DAPK2: variants seen among roughly 807,000 people sequenced by gnomAD.
DAPK2 encodes death associated protein kinase 2.
In DAPK2, 35 loss-of-function variants were observed where a neutral mutation model predicts 44.1. The ratio of observed to expected loss-of-function variants is 0.79; its 90% confidence interval spans 0.61 to 1.05. The LOEUF is 1.05. Ranked by LOEUF, DAPK2 falls within the 50% of genes least tolerant of loss-of-function variation. The pLI is 0.00. For synonymous variants in DAPK2, 174 were observed against 182.6 expected, an observed-to-expected ratio of 0.95 and a Z score of 0.38; for missense variants, 453 against 483.2, an observed-to-expected ratio of 0.94 and a Z score of 0.59.
At chr15:64,023,436 G>A (rs1269466527) in intron 1 of DAPK2, among the ~76,000 whole-genome samples, 1 of 152,230 alleles carries the variant, frequency 6.6e-6, no homozygotes, top group East Asian at 1.9e-4. Context: ...GGTGGGGGAA[G>A]GGCAGATCCC....
rs1470241980 is a variant in DAPK2 at position 63,990,681 on chromosome 15, C to T, written c.93-6927G>A. 2.0e-5 allele frequency among the ~76,000 whole-genome samples: 3 copies of T among 152,152 alleles called. No individual in the cohort carries two copies. The highest frequency in any genetic ancestry group is 2.4e-5 in the African/African-American group (1 of 41,420). ...TGGCTTCCTCCTCCTGCTTCCCCACCGCAGACACCGCAGTTCCTCTTTCCA... is the reference window on the plus strand; with the variant it reads ...TGGCTTCCTCCTCCTGCTTCCCCACTGCAGACACCGCAGTTCCTCTTTCCA... On this transcript the variant is annotated intron_variant, in intron 1 of 10. Coordinates refer to ENST00000261891, the Ensembl canonical transcript of DAPK2. The surrounding 1 kb of genome is among the most constrained non-coding windows in gnomAD (Gnocchi z 4.3).
rs190795110 is a variant in DAPK2, at chr15:63,917,103, C to G, written c.859-4906G>C. 4.6e-5 allele frequency: 7 copies of G among 152,412 alleles called. No individual in the cohort carries two copies. Among genetic ancestry groups the G allele is most frequent in the African/African-American group, 1.7e-4 (7 of 41,582 alleles). 9.4% of individuals were successfully genotyped at this position (152,412 alleles called of 1,614,324 possible). A position where few individuals can be genotyped will look rare whatever the true frequency, so the allele number is the denominator to read the frequency against. ...CCTGGCTGGGTGCGGTGGCTCATGC[C>G]TGTAATCTCAGCACTTCGGGAGGCC... On this transcript the variant is annotated intron_variant, in intron 8 of 10. Coordinates refer to ENST00000261891, the Ensembl canonical transcript of DAPK2. The surrounding 1 kb of genome is among the most constrained non-coding windows in gnomAD (Gnocchi z 4.4).
intron 1 of DAPK2, chr15:63,991,246 G>T: frequency 2.2e-6 from 1 of 456,354 alleles, no homozygotes; most frequent in Non-Finnish European, 4.4e-6. Flanking sequence ...GGTGGGCAGT[G>T]CGCTGGGAAC....
chr15:63,977,469 C>T (rs1372716312), intron 2 of DAPK2, among the ~76,000 whole-genome samples: 2 of 152,158 alleles, frequency 1.3e-5, no homozygotes, highest in African/African-American at 4.8e-5. Flanking sequence ...TGGGGTGGGA[C>T]ATGTGAGAGT....
At chr15:63,938,357 A>G (rs1595756905) in intron 4 of DAPK2, among the ~76,000 whole-genome samples, 1 of 152,238 alleles carries the variant, frequency 6.6e-6, no homozygotes, top group African/African-American at 2.4e-5. Flanking sequence ...TTTGTAGAGC[A>G]TGAGACATAG....
intron 1 of DAPK2, among the ~76,000 whole-genome samples, chr15:64,029,281 T>C (rs1252482906): frequency 1.3e-5 from 2 of 152,188 alleles, no homozygotes; most frequent in Non-Finnish European, 2.9e-5. Context: ...CTTTGTGCTT[T>C]GTTTTCCTAA....
At chr15:63,989,369 T>C (rs1351710477) in intron 1 of DAPK2, among the ~76,000 whole-genome samples, 1 of 151,948 alleles carries the variant, frequency 6.6e-6, no homozygotes, top group Admixed American at 6.6e-5. Flanking sequence ...AGACTCCGTC[T>C]CTAAAAAAAA....
chr15:63,971,394 G>A (rs764406265), intron 3 of DAPK2, 29 bp downstream of exon 4: 1 of 1,612,952 alleles, frequency 6.2e-7, no homozygotes. Flanking sequence ...TCCTAAACTT[G>A]ATTCTTTTCC....
chr15:63,962,529 G>A (rs1162793285), intron 3 of DAPK2, among the ~76,000 whole-genome samples: 3 of 152,134 alleles, frequency 2.0e-5, no homozygotes, highest in Non-Finnish European at 4.4e-5. Flanking sequence ...ATGGGGTTTT[G>A]GTGTGGATGT....
chr15:63,944,032 T>A (rs1158173201), intron 3 of DAPK2, among the ~76,000 whole-genome samples: 1 of 152,152 alleles, frequency 6.6e-6, no homozygotes, highest in Non-Finnish European at 1.5e-5. Context: ...CTGGTGATGC[T>A]TCCATGCAAG....
At chr15:64,017,252 G>C (rs1156563404) in intron 1 of DAPK2, among the ~76,000 whole-genome samples, 1 of 152,184 alleles carries the variant, frequency 6.6e-6, no homozygotes, top group Non-Finnish European at 1.5e-5. Flanking sequence ...TGTTGAGTGA[G>C]TCACCTAACC....
chr15:63,962,892 G>A (rs1184239555), intron 3 of DAPK2, among the ~76,000 whole-genome samples: 2 of 152,226 alleles, frequency 1.3e-5, no homozygotes, highest in African/African-American at 4.8e-5. Flanking sequence ...AGACAAGGAC[G>A]TTTAAGTTTG....
Position 63,939,462 on chromosome 15 carries a change from G to C in DAPK2, c.454-101C>G. 8.5e-7 allele frequency: 1 copy of C among 1,182,936 alleles called. No individual in the cohort carries two copies. Among genetic ancestry groups the C allele is most frequent in the Non-Finnish European group, 1.2e-6 (1 of 852,756 alleles). The allele number at this position is 1,182,936 out of a possible 1,614,324, so 73.3% of individuals were successfully genotyped here. A position where few individuals can be genotyped will look rare whatever the true frequency, so the allele number is the denominator to read the frequency against. ...GTTCGTGTTTTGGCTTTGGGGTTTG[G>C]GGTGGGACTTGGTGTTCTTTTTAGG... is the stretch of plus-strand genomic sequence containing the variant. On this transcript the variant is annotated intron_variant, in intron 3 of 10. Transcript: ENST00000261891. The surrounding 1 kb of genome is among the most constrained non-coding windows in gnomAD (Gnocchi z 4.3).
rs1314879276 is a variant in DAPK2 at position 64,003,010 on chromosome 15, G to GTGTGTGTT, written c.93-19257_93-19256insAACACACA. The stretch of plus-strand genomic sequence containing the variant: ...TGTGTGTGTGTGTGTGTGTGTGTGT[G>GTGTGTGTT]TGTGTCGTGGGACCAGAGGTGGTGG... On this transcript the variant is annotated intron_variant, in intron 1 of 10. Transcript: ENST00000261891. Among the ~76,000 whole-genome samples, 1,173 of 140,466 alleles carry GTGTGTGTT rather than the reference G, an allele frequency of 8.4e-3. 31 individuals carry two copies. Among genetic ancestry groups the GTGTGTGTT allele is most frequent in the Non-Finnish European group, 0.014 (866 of 62,984 alleles). The allele number at this position is 140,466 out of a possible 152,430, so 92.2% of individuals were successfully genotyped here.
chr15:63,984,016 G>A (rs2078605292), intron 1 of DAPK2, among the ~76,000 whole-genome samples: 1 of 152,168 alleles, frequency 6.6e-6, no homozygotes, highest in Non-Finnish European at 1.5e-5. Flanking sequence ...CTGAGGCCCA[G>A]AAAGGTTATT....
intron 1 of DAPK2, among the ~76,000 whole-genome samples, chr15:64,008,228 A>G (rs545288500): frequency 3.3e-5 from 5 of 152,190 alleles, no homozygotes; most frequent in Non-Finnish European, 7.3e-5. Context: ...TTAAAAAAGA[A>G]CCATAAAAAT....
intron 3 of DAPK2, among the ~76,000 whole-genome samples, chr15:63,951,431 A>G (rs1254017379): frequency 6.6e-6 from 1 of 152,054 alleles, no homozygotes; most frequent in Non-Finnish European, 1.5e-5. Flanking sequence ...CCTTCCATCT[A>G]TGTCAAGATA....
At chr15:63,971,035 G>C (rs183172628) in intron 3 of DAPK2, among the ~76,000 whole-genome samples, 2 of 152,332 alleles carry the variant, frequency 1.3e-5, no homozygotes, top group African/African-American at 4.8e-5. Flanking sequence ...TGGCGAGCCA[G>C]CCAACTTCAG....
At chr15:64,035,335 C>G (rs77464342) in intron 1 of DAPK2, among the ~76,000 whole-genome samples, 1,708 of 152,290 alleles carry the variant, frequency 0.011, 35 homozygotes, top group East Asian at 0.075. Context: ...TACTAGCACC[C>G]TCCTCCTGGG....
Sources: gnomAD v4.1 joint callset for allele counts (sites outside exome capture counted in the v4.1 genomes callset) on GRCh38, gnomAD v4.1.1 for gene constraint, Gnocchi (gnomAD v3.1) non-coding constraint, MANE v1.5 for transcripts, NCBI Gene and HGNC (gene_info 2026-07-23, HGNC 2026-07-21) for gene names.